PAH: variants seen among roughly 807,000 people sequenced by gnomAD.
The protein encoded by PAH is phenylalanine-4-hydroxylase.
Under a neutral mutation model 62.0 loss-of-function variants are expected in PAH, and 64 were observed. The observed-to-expected ratio is 1.03, with a 90% CI of 0.84 to 1.27. The LOEUF (loss-of-function observed/expected upper bound fraction) is 1.27. Ranked by LOEUF, PAH falls within the 50% of genes most tolerant of loss-of-function variation. The pLI, the probability that PAH is intolerant of heterozygous loss-of-function variation, is 0.00. For synonymous variants in PAH, 195 were observed against 196.2 expected, an observed-to-expected ratio of 0.99 and a Z score of 0.05; for missense variants, 579 against 542.8, an observed-to-expected ratio of 1.07 and a Z score of -0.66.
intron 3 of PAH, among the ~76,000 whole-genome samples, chr12:102,879,865 G>A (rs1003486735): frequency 5.9e-5 from 9 of 152,124 alleles, no homozygotes; most frequent in Non-Finnish European, 1.2e-4. Context: ...CTAAAGCACA[G>A]CCCTCTTTTC....
chr12:102,897,465 G>GTA (rs376902236), intron 2 of PAH, among the ~76,000 whole-genome samples: 7,155 of 93,778 alleles, frequency 0.076, 250 homozygotes, highest in East Asian at 0.23. Context: ...GTGTGTGTGT[G>GTA]TATATATATA....
intron 4 of PAH, among the ~76,000 whole-genome samples, chr12:102,875,954 C>CAGAG (rs10654199): frequency 0.84 from 126,229 of 149,944 alleles, 53,208 homozygotes; most frequent in South Asian, 0.91. Context: ...TATATATAGA[C>CAGAG]AGAGCGAGAA....
intron 2 of PAH, among the ~76,000 whole-genome samples, chr12:102,908,022 GA>G (rs34438405): frequency 0.038 from 5,592 of 146,450 alleles, 353 homozygotes; most frequent in African/African-American, 0.13. Flanking sequence ...AGTATGTTTG[GA>G]AAAAAAAAAA....
intron 2 of PAH, among the ~76,000 whole-genome samples, chr12:102,903,788 C>T (rs78487234): frequency 0.024 from 3,724 of 152,248 alleles, 142 homozygotes; most frequent in African/African-American, 0.083. Context: ...TACCCACATA[C>T]GTCAGAGATG....
chr12:102,857,310 A>G (rs1875479035), intron 5 of PAH, among the ~76,000 whole-genome samples: 1 of 152,244 alleles, frequency 6.6e-6, no homozygotes, highest in Non-Finnish European at 1.5e-5. Flanking sequence ...CCTCCAAGAA[A>G]TATGGTACTA....
Position 102,957,297 on chromosome 12 carries a change from C to T in PAH, c.-96+898G>A, listed in dbSNP as rs1027083166. Among the ~76,000 whole-genome samples the T allele has an allele frequency of 6.6e-6, 1 of 152,180 alleles. No individual in the cohort carries two copies. The highest frequency in any genetic ancestry group is 1.5e-5 in the Non-Finnish European group (1 of 68,016). On this transcript the variant is annotated intron_variant, in intron 1 of 4. Transcript: ENST00000551337. This position sits in a 1 kb window ranked among gnomAD's most constrained non-coding sequence, Gnocchi z 4.1. Reference sequence around the variant, plus strand: ...CACCCCAAGTCTTTCCACCTATACACCTCAATTCCTAGAGCCATTTGTCCC... The same window carrying T: ...CACCCCAAGTCTTTCCACCTATACATCTCAATTCCTAGAGCCATTTGTCCC...
intron 4 of PAH, among the ~76,000 whole-genome samples, chr12:102,869,484 G>T (rs955972395): frequency 7.2e-5 from 11 of 152,052 alleles, no homozygotes; most frequent in South Asian, 6.2e-4. Flanking sequence ...TGTGAGAACG[G>T]GTTTCTTTTA....
chr12:102,878,765 G>A (rs1876685466), intron 3 of PAH, among the ~76,000 whole-genome samples: 1 of 152,072 alleles, frequency 6.6e-6, no homozygotes, highest in Non-Finnish European at 1.5e-5. Context: ...TAACATTTAA[G>A]GTATTGACAG....
chr12:102,850,843 T>C (rs1313871815), intron 8 of PAH, among the ~76,000 whole-genome samples: 2 of 152,070 alleles, frequency 1.3e-5, no homozygotes, highest in African/African-American at 4.8e-5. Flanking sequence ...ATCTTAGCAC[T>C]TTGGGAGGGT....
At chr12:102,867,838 C>T (rs796098214) in intron 4 of PAH, among the ~76,000 whole-genome samples, 15 of 108,016 alleles carry the variant, frequency 1.4e-4, no homozygotes, top group Admixed American at 3.9e-4. Context: ...TCTCTCTCCC[C>T]CTCTCTCTCT....
intron 2 of PAH, among the ~76,000 whole-genome samples, chr12:102,909,664 G>T: frequency 6.6e-6 from 1 of 152,098 alleles, no homozygotes; most frequent in East Asian, 1.9e-4. Context: ...AAAACTCAGG[G>T]TAAAAATTAA....
At chr12:102,952,095 C>T (rs928092667), upstream of PAH, among the ~76,000 whole-genome samples, 2 of 152,028 alleles carry the variant, frequency 1.3e-5, no homozygotes, top group African/African-American at 4.8e-5. Flanking sequence ...GCAAAGAAGC[C>T]GTACAACAAA....
At chr12:102,908,806 A>C (rs1038849779) in intron 2 of PAH, among the ~76,000 whole-genome samples, 3 of 151,676 alleles carry the variant, frequency 2.0e-5, no homozygotes, top group Non-Finnish European at 2.9e-5. Context: ...ATCCCATTCA[A>C]AATACCACGT....
At chr12:102,898,366 T>C (rs1221093513) in intron 2 of PAH, among the ~76,000 whole-genome samples, 2 of 152,238 alleles carry the variant, frequency 1.3e-5, no homozygotes, top group African/African-American at 4.8e-5. Context: ...TCCTTAGTAA[T>C]GCTATTTATT....
intron 5 of PAH, among the ~76,000 whole-genome samples, chr12:102,861,921 T>C (rs1407979335): frequency 7.0e-6 from 1 of 142,772 alleles, no homozygotes; most frequent in Non-Finnish European, 1.5e-5. Flanking sequence ...TATACATATG[T>C]AACAAACCTG....
Position 102,852,831 on chromosome 12 carries a change from T to TGG in PAH, c.824_825dup (p.Met276ProfsTer66). On this transcript the variant is annotated frameshift_variant, in exon 7 of 13. Transcript: ENST00000553106. LOFTEE classifies it high-confidence loss of function. ...AGTACTCACGGTTCGGGGGTATACA[T>TGG]GGGCTTGGATCCATGTCTGATGTAC... The TGG allele has an allele frequency of 1.9e-6, 3 of 1,614,074 alleles. No homozygotes were observed. Among genetic ancestry groups the TGG allele is most frequent in the Non-Finnish European group, 2.5e-6 (3 of 1,179,978 alleles).
rs550477724 is a variant in PAH at position 102,941,747 on chromosome 12, T to C, written c.-96+8842A>G. 3.2e-4 allele frequency among the ~76,000 whole-genome samples: 49 copies of C among 152,246 alleles called. 1 individual carries two copies. The highest frequency in any genetic ancestry group is 6.3e-4 in the Non-Finnish European group (43 of 67,944). ...AAATCCACAGTGATCAAGTAGACTA[T>C]ATTCCTGGGATGCAATGTTGATTCA... On this transcript the variant is annotated intron_variant, in intron 1 of 3. Transcript: ENST00000546844.
chr12:102,866,161 G>C (rs1875949395), intron 5 of PAH, among the ~76,000 whole-genome samples: 1 of 151,436 alleles, frequency 6.6e-6, no homozygotes, highest in South Asian at 2.1e-4. Flanking sequence ...AAGTTTGGCT[G>C]GCCTGAAATC....
intron 1 of PAH, among the ~76,000 whole-genome samples, chr12:102,924,026 A>G (rs1326168889): frequency 6.6e-6 from 1 of 152,210 alleles, no homozygotes; most frequent in African/African-American, 2.4e-5. Context: ...CAAAATCCAG[A>G]GGACGTAGGC....
Sources: gnomAD v4.1 joint callset for allele counts (sites outside exome capture counted in the v4.1 genomes callset) on GRCh38, gnomAD v4.1.1 for gene constraint, Gnocchi (gnomAD v3.1) non-coding constraint, MANE v1.5 for transcripts, NCBI Gene and HGNC (gene_info 2026-07-23, HGNC 2026-07-21) for gene names.